FAM185A: variants seen among roughly 807,000 people sequenced by gnomAD.
FAM185A encodes the protein family with sequence similarity 185 member A.
Under a neutral mutation model 45.7 loss-of-function variants are expected in FAM185A, and 21 were observed. The ratio of observed to expected loss-of-function variants is 0.46; its 90% CI spans 0.33 to 0.66. The LOEUF is 0.66. Among genes scored for constraint, FAM185A ranks in the 30% least tolerant of loss-of-function variants. FAM185A has a pLI of 0.03. For missense variants in FAM185A, 305 were observed against 485.4 expected, an observed-to-expected ratio of 0.63 and a Z score of 3.49; for synonymous variants, 117 against 194.0, an observed-to-expected ratio of 0.60 and a Z score of 3.30.
At chr7:102,810,714 T>A (rs1046143921), downstream of FAM185A, among the ~76,000 whole-genome samples, 5 of 152,092 alleles carry the variant, frequency 3.3e-5, no homozygotes, top group East Asian at 9.6e-4. Flanking sequence ...TGCCTCAGCC[T>A]CCTGAGTTGC....
At chr7:102,793,898 G>A (rs1796285484) in intron 7 of FAM185A, among the ~76,000 whole-genome samples, 1 of 151,822 alleles carries the variant, frequency 6.6e-6, no homozygotes, top group African/African-American at 2.4e-5. Flanking sequence ...AATTAGCTGG[G>A]CGTGGTGGCG....
the FAM185A span, among the ~76,000 whole-genome samples, chr7:102,833,766 T>G: frequency 6.6e-6 from 1 of 151,970 alleles, no homozygotes; most frequent in African/African-American, 2.4e-5. Flanking sequence ...TCTCTAGCAT[T>G]GTTTTGAAAT....
the FAM185A span, among the ~76,000 whole-genome samples, chr7:102,842,457 T>G: frequency 1.3e-5 from 2 of 152,352 alleles, no homozygotes; most frequent in Admixed American, 1.3e-4. Flanking sequence ...TCAACTTTGG[T>G]TGAGCACCAG....
chr7:102,791,135 C>G (rs1416108145), intron 7 of FAM185A, among the ~76,000 whole-genome samples: 2 of 151,924 alleles, frequency 1.3e-5, no homozygotes, highest in African/African-American at 4.8e-5. Flanking sequence ...TGGGAGAGGT[C>G]AGATCATATG....
At chr7:102,777,207 T>A in intron 5 of FAM185A, 46 bp from the exon 6 acceptor site, 1 of 1,547,474 alleles carries the variant, frequency 6.5e-7, no homozygotes, top group Non-Finnish European at 8.7e-7. Context: ...GTAATTCCAT[T>A]TATCAAGTAA....
At chr7:102,823,454 G>C in the FAM185A span, among the ~76,000 whole-genome samples, 1 of 151,164 alleles carries the variant, frequency 6.6e-6, no homozygotes, top group Admixed American at 6.6e-5. Flanking sequence ...AGCAAGGGGA[G>C]AAAGAAGCAG....
chr7:102,774,921 A>G (rs1794965233), intron 5 of FAM185A, among the ~76,000 whole-genome samples: 1 of 151,778 alleles, frequency 6.6e-6, no homozygotes, highest in Non-Finnish European at 1.5e-5. Context: ...AATATCTATC[A>G]TTTACTCAGT....
chr7:102,811,800 G>C (rs183039156), downstream of FAM185A, among the ~76,000 whole-genome samples: 1 of 152,224 alleles, frequency 6.6e-6, no homozygotes, highest in African/African-American at 2.4e-5. Flanking sequence ...TCTTGGCTAT[G>C]GTCTAAAACT....
chr7:102,776,440 A>G, intron 5 of FAM185A, among the ~76,000 whole-genome samples: 1 of 152,172 alleles, frequency 6.6e-6, no homozygotes, highest in African/African-American at 2.4e-5. Flanking sequence ...CATTGACCAC[A>G]TAGGGAAATT....
intron 6 of FAM185A, among the ~76,000 whole-genome samples, chr7:102,780,743 A>C (rs1348677837): frequency 6.6e-6 from 1 of 152,228 alleles, no homozygotes. Flanking sequence ...GCGACGCAGA[A>C]GACAGGTGAT....
At chr7:102,781,055 C>T (rs758348782) in intron 6 of FAM185A, among the ~76,000 whole-genome samples, 9 of 152,152 alleles carry the variant, frequency 5.9e-5, no homozygotes, top group African/African-American at 7.2e-5. Flanking sequence ...CACGGAGCCT[C>T]GCTCATTGCT....
chr7:102,784,086 G>A (rs951515073), intron 6 of FAM185A, among the ~76,000 whole-genome samples: 5 of 152,082 alleles, frequency 3.3e-5, no homozygotes, highest in Admixed American at 6.5e-5. Context: ...AAATCTAGAA[G>A]AAATGGATAA....
At chr7:102,804,587 A>G (rs186125585) in intron 7 of FAM185A, among the ~76,000 whole-genome samples, 4 of 152,356 alleles carry the variant, frequency 2.6e-5, no homozygotes, top group Admixed American at 6.5e-5. Context: ...ATTCTAGAAG[A>G]TAACATTAGA....
the FAM185A span, among the ~76,000 whole-genome samples, chr7:102,831,431 A>ACACAC: frequency 1.4e-5 from 2 of 147,236 alleles, no homozygotes; most frequent in African/African-American, 5.0e-5. Flanking sequence ...ACACACACAC[A>ACACAC]CCCCACTACA....
intron 2 of FAM185A, among the ~76,000 whole-genome samples, chr7:102,753,907 A>G (rs1487924137): frequency 2.0e-5 from 3 of 152,170 alleles, no homozygotes; most frequent in Non-Finnish European, 4.4e-5. Context: ...CTCCCAAGAA[A>G]TAACAGAAAT....
At chr7:102,799,184 T>C (rs1443670386) in intron 7 of FAM185A, among the ~76,000 whole-genome samples, 5 of 152,138 alleles carry the variant, frequency 3.3e-5, no homozygotes, top group African/African-American at 1.2e-4. Flanking sequence ...CGGAACCCCT[T>C]ATTGATGAAG....
intron 6 of FAM185A, among the ~76,000 whole-genome samples, chr7:102,780,060 C>G (rs908416908): frequency 1.3e-5 from 2 of 151,906 alleles, no homozygotes; most frequent in Non-Finnish European, 2.9e-5. Flanking sequence ...ATGCATTGTT[C>G]CCTAATTTTT....
At chr7:102,782,445 T>G (rs941892312) in intron 6 of FAM185A, among the ~76,000 whole-genome samples, 7 of 152,178 alleles carry the variant, frequency 4.6e-5, no homozygotes, top group African/African-American at 1.4e-4. Context: ...GACTAACAGC[T>G]GATCTCTCAG....
the FAM185A span, among the ~76,000 whole-genome samples, chr7:102,824,708 A>G: frequency 6.6e-6 from 1 of 151,410 alleles, no homozygotes; most frequent in Non-Finnish European, 1.5e-5. Flanking sequence ...CTGGTCTCAA[A>G]CTGATGACCT....
Sources: gnomAD v4.1 joint callset for allele counts (sites outside exome capture counted in the v4.1 genomes callset) on GRCh38, gnomAD v4.1.1 for gene constraint, MANE v1.5 for transcripts, NCBI Gene and HGNC (gene_info 2026-07-23, HGNC 2026-07-21) for gene names.